The following USP47 variants were observed in gnomAD, a reference collection of about 807,000 sequenced individuals.
USP47 encodes the protein ubiquitin specific peptidase 47, also known as ubiquitin carboxyl-terminal hydrolase 47.
USP47 carries 35 observed loss-of-function variants against 165.1 expected under a neutral mutation model. The ratio of observed to expected loss-of-function variants is 0.21; its 90% CI spans 0.16 to 0.28. USP47 has a LOEUF of 0.28. Ranked by LOEUF, USP47 falls within the 10% of genes least tolerant of loss-of-function variation. The pLI is 1.00. For missense variants in USP47, 1,277 were observed against 1,607.4 expected, an observed-to-expected ratio of 0.79 and a Z score of 3.52; for synonymous variants, 531 against 544.5, an observed-to-expected ratio of 0.98 and a Z score of 0.35.
chr11:11,893,688 G>T (rs1851682579), intron 4 of USP47, among the ~76,000 whole-genome samples: 1 of 152,096 alleles, frequency 6.6e-6, no homozygotes, highest in African/African-American at 2.4e-5. Flanking sequence ...AAGTAGCGGG[G>T]AATACAGGTG....
At chr11:11,926,648 CTATT>C (rs1196934743) in intron 11 of USP47, among the ~76,000 whole-genome samples, 2 of 151,382 alleles carry the variant, frequency 1.3e-5, no homozygotes, top group African/African-American at 2.4e-5. Flanking sequence ...TTCCTATTCT[CTATT>C]TATTTCTGCT....
rs1348340860 is a variant in USP47 at position 11,942,507 on chromosome 11, C to G, written c.2486C>G (p.Ser829Cys). 1 of 1,613,568 alleles carries G rather than the reference C, an allele frequency of 6.2e-7. No individual in the cohort carries two copies. The highest frequency in any genetic ancestry group is 1.7e-5 in the Admixed American group (1 of 59,890). Reference protein sequence around the residue: ...RTAYQKAGGDSGNVDDDCERV... With the variant: ...RTAYQKAGGDCGNVDDDCERV... ...GCATACCAGAAAGCTGGAGGCGATTCTGGTAATGTGGATGATGACTGTGAA... is the reference window on the plus strand; with the variant it reads ...GCATACCAGAAAGCTGGAGGCGATTGTGGTAATGTGGATGATGACTGTGAA... The change falls in exon 20 of 28, where the codon TCT (serine) becomes TGT (cysteine). Residue 829 changes from serine (S) to cysteine (C), a missense_variant. Coordinates refer to ENST00000527733, the MANE Select transcript of USP47 (RefSeq NM_001282659.2).
chr11:11,899,496 A>G (rs981193828), intron 5 of USP47, among the ~76,000 whole-genome samples: 1 of 152,138 alleles, frequency 6.6e-6, no homozygotes, highest in African/African-American at 2.4e-5. Context: ...AGCTCATTTC[A>G]CAGAATCATG....
chr11:11,940,526 A>C lies in USP47; in HGVS notation c.2291A>C (p.Glu764Ala). ...LSVSSKTLKA[E>A]GFFRSNKVFV... is the part of the protein sequence containing the mutation. ...GTCTCCAGTAAAACCCTGAAAGCTG[A>C]AGGATTTTTTAGAAGTAACAAGGTA... The change falls in exon 19 of 28, where the codon GAA becomes GCA. Residue 764 changes from glutamate to alanine, a missense_variant. Transcript: ENST00000527733. 6.2e-7 allele frequency: 1 copy of C among 1,611,804 alleles called. No individual in the cohort carries two copies.
In USP47 at chr11:11,842,021, G is replaced by T; in HGVS notation, c.-165G>T. The T allele has an allele frequency of 1.3e-6, 1 of 769,256 alleles. No individual in the cohort carries two copies. Among genetic ancestry groups the T allele is most frequent in the African/African-American group, 1.8e-5 (1 of 54,680 alleles). 47.7% of individuals were successfully genotyped at this position (769,256 alleles called of 1,614,324 possible). The stretch of plus-strand genomic sequence containing the variant: ...GGCGGCGGCGGCGGAGCCCTGGGTC[G>T]GTGTCTGCGCGCTGGTGTCTGAGGC... On this transcript the variant is annotated 5_prime_UTR_variant, in exon 1 of 28. Coordinates refer to ENST00000527733, the MANE Select transcript of USP47 (RefSeq NM_001282659.2).
At chr11:11,864,382 A>G (rs1849554449) in intron 1 of USP47, among the ~76,000 whole-genome samples, 1 of 152,176 alleles carries the variant, frequency 6.6e-6, no homozygotes, top group Non-Finnish European at 1.5e-5. Flanking sequence ...TACACATAAC[A>G]TAACATTTAC....
intron 12 of USP47, among the ~76,000 whole-genome samples, 195 bp from the exon 13 acceptor site, chr11:11,929,849 G>A (rs1408657084): frequency 3.3e-5 from 5 of 152,134 alleles, no homozygotes; most frequent in Admixed American, 3.3e-4. Context: ...CTTCACGTGT[G>A]ATTAGGAATA....
rs777114187 is a variant in USP47 at position 11,884,555 on chromosome 11, A to G, written c.332A>G (p.Asp111Gly). ...AACTTTCTGCATTTGACAGATAAAG[A>G]TGGTGAACAACCTCAAATACTGCTG... ...KKNFLHLTDK[D>G]GEQPQILLED... Residue 111 changes from aspartate (D) to glycine (G), a missense_variant, in exon 3 of 28, where the codon GAT (aspartate) becomes GGT (glycine). Physicochemically the swap from Asp to Gly is moderately conservative, Grantham distance 94. Around this residue, in one of 4 missense-constraint regions of USP47, gnomAD observed 181 missense variants for 194.7 expected, o/e 0.93. Transcript: ENST00000527733. 5.0e-6 allele frequency: 8 copies of G among 1,609,710 alleles called. No individual in the cohort carries two copies. The African/African-American group carries it at 9.4e-5, about 19-fold the overall frequency.
At chr11:11,922,471 T>A (rs1435030555) in intron 10 of USP47, among the ~76,000 whole-genome samples, 1 of 152,018 alleles carries the variant, frequency 6.6e-6, no homozygotes, top group African/African-American at 2.4e-5. Context: ...TGAGGTTTAA[T>A]AGAATTCTGA....
chr11:11,942,831 T>C lies in USP47; in HGVS notation c.2810T>C (p.Val937Ala), dbSNP rs1484871365. The change falls in exon 20 of 28, where the codon GTG (valine) becomes GCG (alanine). Residue 937 changes from valine to alanine, a missense_variant. Val to Ala is a moderately conservative substitution (Grantham distance 64). Coordinates refer to ENST00000527733, the MANE Select transcript of USP47 (RefSeq NM_001282659.2). ...AATAATGACAGGAGTACAAGTTCAG[T>C]GGACAGTGATATTCTTAGCTCCAGT... ...DVNNDRSTSS[V>A]DSDILSSSHS... 1 of 1,613,718 alleles carries C rather than the reference T, an allele frequency of 6.2e-7. No homozygotes were observed. Among genetic ancestry groups the C allele is most frequent in the South Asian group, 1.1e-5 (1 of 91,068 alleles).
intron 1 of USP47, among the ~76,000 whole-genome samples, chr11:11,852,135 C>G (rs1848762731): frequency 6.6e-6 from 1 of 152,058 alleles, no homozygotes; most frequent in Non-Finnish European, 1.5e-5. Flanking sequence ...TGCAGATAAC[C>G]TATTTCCCCC....
chr11:11,880,552 A>G (rs1292566471), intron 2 of USP47, among the ~76,000 whole-genome samples, 172 bp downstream of exon 2: 1 of 152,102 alleles, frequency 6.6e-6, no homozygotes, highest in Non-Finnish European at 1.5e-5. Context: ...CTTTGCCTCC[A>G]TTCTGGATTT....
intron 1 of USP47, among the ~76,000 whole-genome samples, chr11:11,874,845 C>T (rs1342815275): frequency 1.3e-5 from 2 of 152,156 alleles, no homozygotes; most frequent in African/African-American, 2.4e-5. Context: ...AGGTGTGAGC[C>T]ACCGTGCCTG....
chr11:11,882,935 A>G (rs560028474), intron 2 of USP47, among the ~76,000 whole-genome samples: 26 of 152,236 alleles, frequency 1.7e-4, no homozygotes, highest in Non-Finnish European at 1.5e-5. Context: ...CTTTTTAGCT[A>G]TTACTGTACT....
intron 1 of USP47, among the ~76,000 whole-genome samples, 191 bp downstream of exon 1, chr11:11,842,415 G>T (rs997825431): frequency 1.2e-4 from 18 of 152,014 alleles, no homozygotes; most frequent in Non-Finnish European, 1.5e-4. Context: ...TCTAGGGGCC[G>T]GGGAGCGGAC....
chr11:11,842,139 C>T lies in USP47; in HGVS notation c.-47C>T, dbSNP rs781621325. The T allele has an allele frequency of 5.8e-6, 9 of 1,549,062 alleles. No homozygotes were observed. Among genetic ancestry groups the T allele is most frequent in the Non-Finnish European group, 8.7e-7 (1 of 1,145,348 alleles). On this transcript the variant is annotated 5_prime_UTR_variant, in exon 1 of 28. Coordinates refer to ENST00000527733, the MANE Select transcript of USP47 (RefSeq NM_001282659.2). ...TCTTGAGCTAGCGAGCCGCCGCCAC[C>T]CTCCACCCTCCCCCGGCAGGGCGGA... is the stretch of plus-strand genomic sequence containing the variant.
intron 18 of USP47, among the ~76,000 whole-genome samples, chr11:11,939,961 T>C (rs1286434865): frequency 6.6e-6 from 1 of 152,014 alleles, no homozygotes; most frequent in Non-Finnish European, 1.5e-5. Flanking sequence ...AAACTTAAAA[T>C]TTTCCCTACT....
intron 1 of USP47, among the ~76,000 whole-genome samples, chr11:11,859,253 G>C (rs899599145): frequency 6.6e-6 from 1 of 152,134 alleles, no homozygotes; most frequent in Non-Finnish European, 1.5e-5. Context: ...TATCCTCAAA[G>C]AGTTTGTGAT....
intron 18 of USP47, among the ~76,000 whole-genome samples, chr11:11,939,262 C>A (rs1004141375): frequency 4.6e-5 from 7 of 151,860 alleles, no homozygotes; most frequent in African/African-American, 7.3e-5. Flanking sequence ...GTTAATATTC[C>A]CTGGTGTAGT....
Sources: allele counts gnomAD v4.1 joint callset (sites outside exome capture counted in the v4.1 genomes callset), GRCh38; gene constraint gnomAD v4.1.1; regional missense constraint gnomAD v4.1.1; transcripts MANE v1.5; gene names NCBI Gene and HGNC (gene_info 2026-07-23, HGNC 2026-07-21).